PRKN: variants seen among roughly 807,000 people sequenced by gnomAD.
The protein encoded by PRKN is parkin RBR E3 ubiquitin protein ligase, also known as E3 ubiquitin-protein ligase parkin.
In PRKN, 56 loss-of-function variants were observed where a neutral mutation model predicts 59.5. The ratio of observed to expected loss-of-function variants is 0.94; its 90% confidence interval spans 0.76 to 1.18. The LOEUF (loss-of-function observed/expected upper bound fraction) is 1.18. Ranked by LOEUF, PRKN falls within the 50% of genes most tolerant of loss-of-function variation. The pLI, the probability that PRKN is intolerant of heterozygous loss-of-function variation, is 0.00. For synonymous variants in PRKN, 250 were observed against 222.1 expected, an observed-to-expected ratio of 1.13 and a Z score of -1.12; for missense variants, 657 against 596.4, an observed-to-expected ratio of 1.10 and a Z score of -1.06.
chr6:161,877,347 C>A (rs895464952), intron 6 of PRKN, among the ~76,000 whole-genome samples: 1 of 152,202 alleles, frequency 6.6e-6, no homozygotes. Flanking sequence ...CACCACTGCC[C>A]TCCATGGCCC....
chr6:162,614,743 C>T (rs537856503), intron 1 of PRKN, among the ~76,000 whole-genome samples: 1 of 152,198 alleles, frequency 6.6e-6, no homozygotes, highest in African/African-American at 2.4e-5. Flanking sequence ...GATTTGTGAA[C>T]TCTAATTGAT....
At chr6:162,352,862 A>C (rs1784680086) in intron 2 of PRKN, among the ~76,000 whole-genome samples, 1 of 152,202 alleles carries the variant, frequency 6.6e-6, no homozygotes, top group Admixed American at 6.5e-5. Flanking sequence ...CCCCAAATTT[A>C]CATGGCACCT....
intron 3 of PRKN, among the ~76,000 whole-genome samples, chr6:162,210,131 A>ATAAAATAAAATAAAATAAAT: frequency 6.6e-6 from 1 of 152,034 alleles, no homozygotes; most frequent in Non-Finnish European, 1.5e-5. Context: ...ATAAAATAAA[A>ATAAAATAAAATAAAATAAAT]TAAAGAGGCA....
chr6:161,953,132 G>T (rs1305816106), intron 6 of PRKN, among the ~76,000 whole-genome samples: 1 of 151,782 alleles, frequency 6.6e-6, no homozygotes, highest in Non-Finnish European at 1.5e-5. Context: ...TATTTATTTA[G>T]ATGGAGTCTT....
chr6:161,757,894 C>T (rs867468428), intron 7 of PRKN, among the ~76,000 whole-genome samples: 41,851 of 93,698 alleles, frequency 0.45, 7,959 homozygotes, highest in South Asian at 0.58. Flanking sequence ...TATACACACA[C>T]ACACACACAC....
intron 1 of PRKN, among the ~76,000 whole-genome samples, chr6:162,498,619 A>G (rs1793211227): frequency 6.7e-6 from 1 of 148,202 alleles, no homozygotes; most frequent in South Asian, 2.2e-4. Flanking sequence ...CTAATTTTGT[A>G]TTTTTAGTAG....
rs182630355 is a variant in PRKN at position 162,273,131 on chromosome 6, T to C, written c.172-10366A>G. On this transcript the variant is annotated intron_variant, in intron 2 of 11. Coordinates refer to ENST00000366898, the MANE Select transcript of PRKN (RefSeq NM_004562.3). ...ATAGAATATAGTAAGGGACTTTCTA[T>C]GTCAAAAGCAAAGAAAATTAAGTAC... Among the ~76,000 whole-genome samples the C allele has an allele frequency of 2.2e-3, 339 of 151,972 alleles. 4 individuals carry two copies. Among genetic ancestry groups the C allele is most frequent in the Non-Finnish European group, 1.0e-3 (69 of 67,968 alleles).
rs1465352817 is a variant in PRKN at position 161,355,216 on chromosome 6, C to T, written c.1285+4872G>A. Among the ~76,000 whole-genome samples, 1 of 152,226 alleles carries T rather than the reference C, an allele frequency of 6.6e-6. No individual in the cohort carries two copies. The highest frequency in any genetic ancestry group is 1.5e-5 in the Non-Finnish European group (1 of 68,050). The stretch of plus-strand genomic sequence containing the variant: ...GTCCTGGGGCCTAGGACGCCTCCTC[C>T]TGCTCTTCCTTGCCTTGCTCATATC... On this transcript the variant is annotated intron_variant, in intron 11 of 11. Transcript: ENST00000366898. The surrounding 1 kb of genome is among the most constrained non-coding windows in gnomAD (Gnocchi z 6.8).
At chr6:161,678,459 A>G (rs1038814110) in intron 7 of PRKN, among the ~76,000 whole-genome samples, 2 of 151,998 alleles carry the variant, frequency 1.3e-5, no homozygotes, top group Non-Finnish European at 2.9e-5. Flanking sequence ...GAGCATAAAA[A>G]GTTATCAGAA....
chr6:162,623,325 C>T (rs1782754886), intron 1 of PRKN, among the ~76,000 whole-genome samples: 1 of 151,960 alleles, frequency 6.6e-6, no homozygotes, highest in Non-Finnish European at 1.5e-5. Context: ...ATTGATGACA[C>T]TTTTTAAAGG....
intron 4 of PRKN, among the ~76,000 whole-genome samples, chr6:162,065,071 G>A (rs1778272682): frequency 6.6e-6 from 1 of 152,230 alleles, no homozygotes; most frequent in Non-Finnish European, 1.5e-5. Flanking sequence ...TAGGATCTAT[G>A]TGTATATGAA....
chr6:162,393,170 T>TTTTTTTTTTTTTTTTTTTTTG (rs1787297644), intron 2 of PRKN, among the ~76,000 whole-genome samples: 1 of 137,894 alleles, frequency 7.3e-6, no homozygotes, highest in Non-Finnish European at 1.5e-5. Flanking sequence ...TTTTTTTTTT[T>TTTTTTTTTTTTTTTTTTTTTG]TTTTTTTGAG....
In PRKN at chr6:161,396,949, G is replaced by A. The variant is rs763300682; in HGVS notation, c.1084-10072C>T. 6.6e-6 allele frequency among the ~76,000 whole-genome samples: 1 copy of A among 152,152 alleles called. No individual in the cohort carries two copies. Among genetic ancestry groups the A allele is most frequent in the Non-Finnish European group, 1.5e-5 (1 of 68,040 alleles). On this transcript the variant is annotated intron_variant, in intron 9 of 11. Transcript: ENST00000366898. The surrounding 1 kb of genome is among the most constrained non-coding windows in gnomAD (Gnocchi z 5.4). ...TCCTCAATGATCAATCAATCAATCA[G>A]TCAAAATGATACATTAACCCTTTAT...
At chr6:162,478,176 G>A (rs1217355797) in intron 1 of PRKN, among the ~76,000 whole-genome samples, 2 of 152,136 alleles carry the variant, frequency 1.3e-5, no homozygotes, top group East Asian at 1.9e-4. Context: ...GAGAAAAGAG[G>A]TTTCATACTG....
At chr6:162,153,009 T>C (rs1256980695) in intron 4 of PRKN, among the ~76,000 whole-genome samples, 1 of 152,192 alleles carries the variant, frequency 6.6e-6, no homozygotes, top group Non-Finnish European at 1.5e-5. Context: ...AAATAGTAGA[T>C]TAAACCAAAT....
intron 4 of PRKN, among the ~76,000 whole-genome samples, chr6:162,189,857 A>T (rs1784198588): frequency 6.7e-6 from 1 of 148,326 alleles, no homozygotes; most frequent in South Asian, 2.1e-4. Flanking sequence ...TTTGTAGCAC[A>T]TTATGGGAGG....
At chr6:162,137,935 GT>G (rs1240695729) in intron 4 of PRKN, among the ~76,000 whole-genome samples, 5 of 152,012 alleles carry the variant, frequency 3.3e-5, no homozygotes, top group Non-Finnish European at 7.3e-5. Context: ...TTGGACTGAG[GT>G]AATGCGGGAC....
At chr6:162,716,361 T>C (rs565552813) in intron 1 of PRKN, among the ~76,000 whole-genome samples, 1 of 152,236 alleles carries the variant, frequency 6.6e-6, no homozygotes, top group South Asian at 2.1e-4. Flanking sequence ...ACTTAATAAT[T>C]TAAAATTCTA....
At chr6:161,943,002 C>G (rs778412422) in intron 6 of PRKN, among the ~76,000 whole-genome samples, 12 of 152,160 alleles carry the variant, frequency 7.9e-5, no homozygotes, top group South Asian at 2.1e-4. Context: ...ATCTGGGTTG[C>G]AAATGGCACT....
Sources: allele counts gnomAD v4.1 joint callset (sites outside exome capture counted in the v4.1 genomes callset), GRCh38; gene constraint gnomAD v4.1.1; non-coding constraint Gnocchi (gnomAD v3.1); transcripts MANE v1.5; gene names NCBI Gene and HGNC (gene_info 2026-07-23, HGNC 2026-07-21).